TPO: variants seen among roughly 807,000 people sequenced by gnomAD.
The protein encoded by TPO is thyroid microsomal antigen.
Under a neutral mutation model 96.9 loss-of-function variants are expected in TPO, and 78 were observed. The observed-to-expected ratio is 0.81, with a 90% CI of 0.67 to 0.97. The LOEUF (loss-of-function observed/expected upper bound fraction) is 0.97, where lower values mean the gene tolerates loss of function less well. Ranked by LOEUF, TPO falls within the 50% of genes least tolerant of loss-of-function variation. The pLI is 0.00. For missense variants in TPO, 1,252 were observed against 1,274.8 expected, an observed-to-expected ratio of 0.98 and a Z score of 0.27; for synonymous variants, 547 against 538.0, an observed-to-expected ratio of 1.02 and a Z score of -0.23.
intron 15 of TPO, among the ~76,000 whole-genome samples, chr2:1,535,942 C>A (rs1430203789): frequency 2.1e-5 from 1 of 47,590 alleles, no homozygotes; most frequent in Non-Finnish European, 4.2e-5. Flanking sequence ...ATCCCCCACA[C>A]TATGTGCAAC....
chr2:1,530,882 C>CG (rs2125232197), intron 15 of TPO, among the ~76,000 whole-genome samples: 3 of 105,370 alleles, frequency 2.8e-5, no homozygotes, highest in Non-Finnish European at 3.8e-5. Flanking sequence ...CTCCGCAAAT[C>CG]CCCCCACTGT....
intron 1 of TPO, among the ~76,000 whole-genome samples, chr2:1,407,744 T>C (rs1425733239): frequency 4.6e-5 from 7 of 152,162 alleles, no homozygotes; most frequent in Non-Finnish European, 5.9e-5. Flanking sequence ...TTATCCCTTG[T>C]GGCAATTTAA....
intron 8 of TPO, 142 bp from the exon 9 acceptor site, chr2:1,484,454 G>C: frequency 4.7e-6 from 5 of 1,058,922 alleles, no homozygotes; most frequent in Non-Finnish European, 6.8e-6. Context: ...TTTCTGGGAA[G>C]TTCAGCTGAG....
At chr2:1,422,295 C>T (rs911369006) in intron 2 of TPO, among the ~76,000 whole-genome samples, 3 of 76,810 alleles carry the variant, frequency 3.9e-5, no homozygotes, top group Non-Finnish European at 7.1e-5. Flanking sequence ...CTTGAAGACC[C>T]CGCAGGCGCC....
chr2:1,502,241 G>A (rs1011875844), intron 13 of TPO, among the ~76,000 whole-genome samples: 1 of 152,146 alleles, frequency 6.6e-6, no homozygotes, highest in Non-Finnish European at 1.5e-5. Flanking sequence ...TCCAGGGGCA[G>A]CTTTAGCCAA....
intron 13 of TPO, among the ~76,000 whole-genome samples, chr2:1,502,370 TTTC>T (rs1437307778): frequency 6.6e-6 from 1 of 151,950 alleles, no homozygotes; most frequent in East Asian, 1.9e-4. Flanking sequence ...TCCCTTGAAA[TTTC>T]TTGACCCTTT....
At chr2:1,398,009 C>T (rs938326) in intron 1 of TPO, among the ~76,000 whole-genome samples, 85,084 of 152,052 alleles carry the variant, frequency 0.56, 24,066 homozygotes, top group South Asian at 0.64. Context: ...AGAAAAGTAG[C>T]GTTCCGCACA....
chr2:1,436,314 C>T lies in TPO; in HGVS notation c.412C>T (p.Leu138=). 1 of 1,614,234 alleles carries T rather than the reference C, an allele frequency of 6.2e-7. No homozygotes were observed. The highest frequency in any genetic ancestry group is 8.5e-7 in the Non-Finnish European group (1 of 1,180,046). Residue 138 remains leucine, a synonymous_variant, in exon 5 of 17, where the codon CTG becomes TTG. Transcript: ENST00000329066. ...CATGTCTGGATGTCTCCCTTACATGCTGCCCCCAAAATGCCCAAACACTTG... is the reference window on the plus strand; with the variant it reads ...CATGTCTGGATGTCTCCCTTACATGTTGCCCCCAAAATGCCCAAACACTTG... ...ANMSGCLPYM[L]PPKCPNTCLA...
At chr2:1,459,776 A>G (rs1044368114) in intron 7 of TPO, among the ~76,000 whole-genome samples, 1 of 152,178 alleles carries the variant, frequency 6.6e-6, no homozygotes. Flanking sequence ...ACTGAATTTC[A>G]GCCAGGTCCA....
chr2:1,529,716 AAAT>A (rs1677587107), intron 15 of TPO, among the ~76,000 whole-genome samples: 1 of 25,722 alleles, frequency 3.9e-5, no homozygotes, highest in Admixed American at 5.3e-4. Flanking sequence ...CAACCTCCTC[AAAT>A]CCCCCCACTG....
At chr2:1,385,012 G>A (rs1226629377) in intron 1 of TPO, among the ~76,000 whole-genome samples, 3 of 152,110 alleles carry the variant, frequency 2.0e-5, no homozygotes, top group Admixed American at 1.3e-4. Flanking sequence ...GCTGGATTAC[G>A]TTTATTGATT....
At chr2:1,438,166 A>G (rs1003058814) in intron 5 of TPO, among the ~76,000 whole-genome samples, 3 of 149,400 alleles carry the variant, frequency 2.0e-5, no homozygotes, top group African/African-American at 7.4e-5. Context: ...GTGCAGGTAC[A>G]TGTTGAGGGT....
upstream of TPO, among the ~76,000 whole-genome samples, chr2:1,412,893 T>C (rs1662503606): frequency 1.3e-5 from 2 of 152,068 alleles, no homozygotes; most frequent in Admixed American, 1.3e-4. Context: ...TCTGTCTTTG[T>C]GGGGACTCTT....
chr2:1,459,247 G>A (rs370269644), intron 7 of TPO, among the ~76,000 whole-genome samples: 9 of 151,854 alleles, frequency 5.9e-5, no homozygotes, highest in Admixed American at 4.6e-4. Context: ...CGCCTCCCGG[G>A]TTCAAGCAAT....
intron 4 of TPO, 63 bp from the exon 5 acceptor site, chr2:1,436,189 G>T: frequency 6.2e-7 from 1 of 1,613,118 alleles, no homozygotes; most frequent in Non-Finnish European, 8.5e-7. Context: ...GACTGCAATA[G>T]AATATTTGTT....
rs1677131524 is a variant in TPO at position 1,528,410 on chromosome 2, AC to A, written c.2618+11431del. ...CCACTGTGTGCAACCTCCTCAAATC[AC>A]CCGGTGTGCAACCTGCTCAAATCCC... On this transcript the variant is annotated intron_variant, in intron 15 of 16. Coordinates refer to ENST00000329066, the MANE Select transcript of TPO (RefSeq NM_001206744.2). 1.2e-4 allele frequency among the ~76,000 whole-genome samples: 6 copies of A among 49,824 alleles called. No homozygotes were observed. In the South Asian group the frequency reaches 2.5e-3, roughly 20 times the overall value. The allele number at this position is 49,824 out of a possible 152,430, so 32.7% of individuals were successfully genotyped here.
chr2:1,463,756 C>T (rs1668649674), intron 7 of TPO, among the ~76,000 whole-genome samples: 1 of 152,116 alleles, frequency 6.6e-6, no homozygotes, highest in African/African-American at 2.4e-5. Context: ...GTGCTGCAAA[C>T]CCCCCATCCA....
chr2:1,457,681 A>C (rs1366966517), intron 7 of TPO, among the ~76,000 whole-genome samples: 2 of 151,384 alleles, frequency 1.3e-5, no homozygotes, highest in Non-Finnish European at 3.0e-5. Context: ...CATATATGAT[A>C]GTGTGTGGGC....
chr2:1,502,004 C>T (rs1238918898), intron 13 of TPO, among the ~76,000 whole-genome samples: 1 of 152,148 alleles, frequency 6.6e-6, no homozygotes, highest in Non-Finnish European at 1.5e-5. Context: ...GGGAACTCCC[C>T]GAGAGGGATG....
Sources: allele counts gnomAD v4.1 joint callset (sites outside exome capture counted in the v4.1 genomes callset), GRCh38; gene constraint gnomAD v4.1.1; transcripts MANE v1.5; gene names NCBI Gene and HGNC (gene_info 2026-07-23, HGNC 2026-07-21).